Variants in PCDH11X observed in about 807,000 individuals in gnomAD.
The protein encoded by PCDH11X is protocadherin 11 X-linked.
Under a neutral mutation model 53.3 loss-of-function variants are expected in PCDH11X, and 18 were observed. The ratio of observed to expected loss-of-function variants is 0.34; its 90% CI spans 0.23 to 0.50. PCDH11X has a LOEUF of 0.50. Among genes scored for constraint, PCDH11X ranks in the 20% least tolerant of loss-of-function variants. The pLI, the probability that PCDH11X is intolerant of heterozygous loss-of-function variation, is 0.98. For missense variants in PCDH11X, 570 were observed against 1,032.4 expected (o/e 0.55, Z 6.14); for synonymous variants, 279 against 393.3 (o/e 0.71, Z 3.44).
intron 8 of PCDH11X, among the ~76,000 whole-genome samples, chrX:92,270,932 T>A (rs189200744): frequency 2.7e-5 from 3 of 111,949 alleles, no homozygotes; most frequent in African/African-American, 9.7e-5. Flanking sequence ...TCCCAGAAGA[T>A]AATCCAGAGA....
At chrX:92,313,859 G>A (rs2069012717) in intron 8 of PCDH11X, among the ~76,000 whole-genome samples, 1 of 111,298 alleles carries the variant, frequency 9.0e-6, no homozygotes, top group Admixed American at 9.6e-5. Flanking sequence ...GTATAAAAAG[G>A]AAGAAATGGT....
intron 6 of PCDH11X, among the ~76,000 whole-genome samples, chrX:92,095,809 A>G (rs951567017): frequency 6.2e-5 from 7 of 112,282 alleles, no homozygotes; most frequent in African/African-American, 2.3e-4. Context: ...TGACAAGGCA[A>G]AAATCTTCAC....
intron 6 of PCDH11X, among the ~76,000 whole-genome samples, chrX:92,177,899 T>C (rs2065936132): frequency 9.0e-6 from 1 of 110,729 alleles, no homozygotes; most frequent in Non-Finnish European, 1.9e-5. Flanking sequence ...ACAAACACAA[T>C]TTGGAAAATG....
At chrX:91,903,601 T>G (rs1941033690) in intron 6 of PCDH11X, among the ~76,000 whole-genome samples, 1 of 109,307 alleles carries the variant, frequency 9.1e-6, no homozygotes, top group South Asian at 4.0e-4. Context: ...TCTATTTACA[T>G]AACATGATTA....
rs1164209831 is a variant in PCDH11X at position 92,250,995 on chromosome X, C to T, written c.3115-12119C>T. Reference sequence around the variant, plus strand: ...TGACACTTTAAGTAGGTGAATTGTACGGTATGTAAATTGTATATCAATAAA... The same window carrying T: ...TGACACTTTAAGTAGGTGAATTGTATGGTATGTAAATTGTATATCAATAAA... On this transcript the variant is annotated intron_variant, in intron 7 of 10. Coordinates refer to ENST00000682573, the MANE Select transcript of PCDH11X (RefSeq NM_032968.5). Among the ~76,000 whole-genome samples, 17 of 110,323 alleles carry T rather than the reference C, an allele frequency of 1.5e-4. No homozygotes were observed. The South Asian group carries it at 1.9e-3, about 12-fold the overall frequency.
intron 7 of PCDH11X, among the ~76,000 whole-genome samples, chrX:92,232,186 A>G (rs1361265844): frequency 1.8e-5 from 2 of 111,906 alleles, no homozygotes; most frequent in African/African-American, 6.5e-5. Flanking sequence ...TTCATCAACA[A>G]TGGCATAGAA....
intron 9 of PCDH11X, among the ~76,000 whole-genome samples, chrX:92,412,498 TAAAGA>T (rs1416858593): frequency 3.3e-5 from 2 of 61,205 alleles, no homozygotes; most frequent in Admixed American, 3.9e-4. Flanking sequence ...ATGATCAAAA[TAAAGA>T]AAATAGTATA....
intron 1 of PCDH11X, among the ~76,000 whole-genome samples, chrX:91,780,260 G>T (rs1057065991): frequency 8.1e-5 from 9 of 111,681 alleles, no homozygotes; most frequent in Admixed American, 3.8e-4. Flanking sequence ...AGCCAGGAGA[G>T]CCAGGAGCGC....
At chrX:92,266,703 T>C (rs2067838771) in intron 8 of PCDH11X, among the ~76,000 whole-genome samples, 1 of 110,919 alleles carries the variant, frequency 9.0e-6, no homozygotes, top group African/African-American at 3.3e-5. Context: ...TTTCAACACA[T>C]GGCCACTTGT....
chrX:92,107,987 T>C (rs2064422875), intron 6 of PCDH11X, among the ~76,000 whole-genome samples: 1 of 112,502 alleles, frequency 8.9e-6, no homozygotes, highest in Non-Finnish European at 1.9e-5. Context: ...ATAAACAATA[T>C]GAACTGATAA....
At chrX:92,135,757 T>TTGTGTGTGTG (rs575523392) in intron 6 of PCDH11X, among the ~76,000 whole-genome samples, 1 of 100,166 alleles carries the variant, frequency 1.0e-5, no homozygotes, top group African/African-American at 3.7e-5. Context: ...GTGTGCATGT[T>TTGTGTGTGTG]TGTGTGTGTG....
intron 8 of PCDH11X, among the ~76,000 whole-genome samples, chrX:92,336,428 G>C (rs966058818): frequency 9.0e-6 from 1 of 111,594 alleles, no homozygotes; most frequent in Non-Finnish European, 1.9e-5. Context: ...ATATAAAACT[G>C]TTTATTGCAT....
intron 6 of PCDH11X, among the ~76,000 whole-genome samples, chrX:91,969,546 G>A (rs2061917896): frequency 9.0e-6 from 1 of 111,032 alleles, no homozygotes; most frequent in Non-Finnish European, 1.9e-5. Context: ...CACCAGTAAT[G>A]CCAACACTTT....
intron 8 of PCDH11X, among the ~76,000 whole-genome samples, chrX:92,308,176 A>G (rs1210797947): frequency 4.6e-5 from 5 of 108,906 alleles, no homozygotes; most frequent in Admixed American, 3.0e-4. Context: ...TGGAATCTCA[A>G]GGGACCTTGA....
At chrX:92,216,622 A>C (rs752694805) in intron 7 of PCDH11X, among the ~76,000 whole-genome samples, 4 of 95,313 alleles carry the variant, frequency 4.2e-5, no homozygotes, top group African/African-American at 1.5e-4. Context: ...AGTTGGAAAA[A>C]ACTCTGCAGG....
intron 4 of PCDH11X, among the ~76,000 whole-genome samples, chrX:91,817,033 A>T (rs1237745479): frequency 9.2e-6 from 1 of 108,405 alleles, no homozygotes; most frequent in Non-Finnish European, 1.9e-5. Flanking sequence ...ACTCCTATCG[A>T]CCCTACCCAA....
chrX:91,886,815 C>T (rs1422928332), intron 6 of PCDH11X, among the ~76,000 whole-genome samples: 1 of 107,637 alleles, frequency 9.3e-6, no homozygotes, highest in Non-Finnish European at 1.9e-5. Flanking sequence ...ACTAAAAATA[C>T]AAAAAATTAG....
chrX:91,799,293 A>G (rs1038444116), intron 1 of PCDH11X, among the ~76,000 whole-genome samples: 20 of 111,754 alleles, frequency 1.8e-4, no homozygotes, highest in Admixed American at 2.9e-4. Context: ...TTATCCTTCA[A>G]TTAATAATAA....
At chrX:92,383,637 C>T (rs917391282) in intron 8 of PCDH11X, among the ~76,000 whole-genome samples, 1 of 111,104 alleles carries the variant, frequency 9.0e-6, no homozygotes, top group African/African-American at 3.3e-5. Context: ...CATCCATGTC[C>T]CTGCAAAGGA....
Sources: gnomAD v4.1 joint callset for allele counts (sites outside exome capture counted in the v4.1 genomes callset) on GRCh38, gnomAD v4.1.1 for gene constraint, MANE v1.5 for transcripts, NCBI Gene and HGNC (gene_info 2026-07-23, HGNC 2026-07-21) for gene names.